Variants in EPHB1 observed in about 807,000 individuals in gnomAD.
The protein encoded by EPHB1 is EPH receptor B1.
EPHB1 carries 30 observed loss-of-function variants against 94.4 expected under a neutral mutation model. The ratio of observed to expected loss-of-function variants is 0.32; its 90% CI spans 0.24 to 0.43. The LOEUF is 0.43. EPHB1 is among the 20% of genes least tolerant of loss of function. The pLI is 1.00. For synonymous variants in EPHB1, 522 were observed against 489.1 expected (o/e 1.07, Z -0.89); for missense variants, 1,055 against 1,308.3 (o/e 0.81, Z 2.99).
At chr3:134,859,539 C>T (rs550852725) in intron 1 of EPHB1, among the ~76,000 whole-genome samples, 54 of 152,238 alleles carry the variant, frequency 3.5e-4, no homozygotes, top group Middle Eastern at 3.4e-3. Context: ...CTGGTGTCCC[C>T]ACCCCCTGGC....
chr3:135,255,459 T>A (rs1166007889), intron 15 of EPHB1, among the ~76,000 whole-genome samples: 2 of 142,974 alleles, frequency 1.4e-5, no homozygotes, highest in Non-Finnish European at 3.1e-5. Context: ...TATTTCTGCC[T>A]ACATTTCGTT....
rs192047926 is a variant in EPHB1, at chr3:134,913,802, G to A, written c.59-12014G>A. On this transcript the variant is annotated intron_variant, in intron 1 of 15. Coordinates refer to ENST00000398015, the MANE Select transcript of EPHB1 (RefSeq NM_004441.5). ...CTCCTGTGCTCTGCATGTGTGCCAG[G>A]CATGGAGAGAAAGGCTCTTCAAAAA... Among the ~76,000 whole-genome samples, 144 of 152,346 alleles carry A rather than the reference G, an allele frequency of 9.5e-4. 1 individual carries two copies. The highest frequency in any genetic ancestry group is 1.6e-3 in the Non-Finnish European group (108 of 68,034).
chr3:134,931,652 G>A (rs2107704947), intron 2 of EPHB1, among the ~76,000 whole-genome samples: 1 of 152,336 alleles, frequency 6.6e-6, no homozygotes, highest in East Asian at 1.9e-4. Context: ...GAAGTCCGAA[G>A]CCAAGCCTCA....
intron 3 of EPHB1, among the ~76,000 whole-genome samples, chr3:135,043,694 C>T (rs1013087646): frequency 2.8e-4 from 42 of 152,354 alleles, no homozygotes; most frequent in African/African-American, 9.1e-4. Context: ...CTGATACAGA[C>T]GTTCCTAAGA....
chr3:134,987,547 C>G (rs183030254), intron 3 of EPHB1, among the ~76,000 whole-genome samples: 1 of 152,204 alleles, frequency 6.6e-6, no homozygotes, highest in East Asian at 1.9e-4. Context: ...ATCACGAGGT[C>G]AGGAGATCGA....
rs1046694789 is a variant in EPHB1, at chr3:135,252,678, G to A, written c.2846+3187G>A. Among the ~76,000 whole-genome samples the A allele has an allele frequency of 4.3e-4, 62 of 142,778 alleles. 3 individuals carry two copies. Among genetic ancestry groups the A allele is most frequent in the African/African-American group, 1.5e-3 (59 of 39,832 alleles). 93.7% of individuals were successfully genotyped at this position (142,778 alleles called of 152,430 possible). On this transcript the variant is annotated intron_variant, in intron 15 of 15. Transcript: ENST00000398015. ...GTGAATAATGCCACAATAAACATAC[G>A]TTTGCACGTGTCTTTATAGCAGCAT... is the stretch of plus-strand genomic sequence containing the variant.
chr3:134,961,071 C>T (rs1042406810), intron 3 of EPHB1, among the ~76,000 whole-genome samples: 9 of 152,150 alleles, frequency 5.9e-5, no homozygotes, highest in African/African-American at 9.7e-5. Context: ...TTAGGTCATG[C>T]GGGTTGGATG....
At chr3:135,079,242 T>C (rs990361228) in intron 3 of EPHB1, among the ~76,000 whole-genome samples, 3 of 152,226 alleles carry the variant, frequency 2.0e-5, no homozygotes, top group Non-Finnish European at 4.4e-5. Flanking sequence ...TCATGGGGCG[T>C]TGAGTCTACA....
chr3:134,939,099 C>T lies in EPHB1; in HGVS notation c.124-12272C>T, dbSNP rs77586330. ...AGTATTATCTGCATTTCTCTACCATCCAAGATTTTGTGGAGCTCTGCTCTT... is the reference window on the plus strand; with the variant it reads ...AGTATTATCTGCATTTCTCTACCATTCAAGATTTTGTGGAGCTCTGCTCTT... On this transcript the variant is annotated intron_variant, in intron 2 of 15. Coordinates refer to ENST00000398015, the MANE Select transcript of EPHB1 (RefSeq NM_004441.5). 5.7e-3 allele frequency among the ~76,000 whole-genome samples: 862 copies of T among 152,268 alleles called. 3 individuals are homozygous for T. Among genetic ancestry groups the T allele is most frequent in the African/African-American group, 0.02 (819 of 41,538 alleles).
In EPHB1 at chr3:134,975,780, AG is replaced by A. The variant is rs1182498038; in HGVS notation, c.805+23735del. Among the ~76,000 whole-genome samples the A allele has an allele frequency of 2.5e-4, 6 of 24,252 alleles. No individual in the cohort carries two copies. In the African/African-American group the frequency reaches 2.9e-3, roughly 12 times the overall value. 15.9% of individuals were successfully genotyped at this position (24,252 alleles called of 152,430 possible). A position where few individuals can be genotyped will look rare whatever the true frequency, so the allele number is the denominator to read the frequency against. The stretch of plus-strand genomic sequence containing the variant: ...GAATAATAGAAAGATTTAAGAGGGC[AG>A]GGGGGGAGTGAGAAAGACAACATCT... On this transcript the variant is annotated intron_variant, in intron 3 of 15. Transcript: ENST00000398015.
At chr3:134,820,492 G>A (rs1014059969) in intron 1 of EPHB1, among the ~76,000 whole-genome samples, 3 of 152,126 alleles carry the variant, frequency 2.0e-5, no homozygotes, top group Non-Finnish European at 1.5e-5. Flanking sequence ...GAGAAGAATC[G>A]GGGGGAAGAG....
intron 1 of EPHB1, among the ~76,000 whole-genome samples, chr3:134,804,465 C>G (rs1287151259): frequency 6.6e-6 from 1 of 152,190 alleles, no homozygotes; most frequent in East Asian, 1.9e-4. Context: ...ACAGCTAATC[C>G]ATATCAATGT....
chr3:135,113,527 G>A (rs1265764441), intron 4 of EPHB1, among the ~76,000 whole-genome samples: 2 of 152,132 alleles, frequency 1.3e-5, no homozygotes, highest in Non-Finnish European at 2.9e-5. Context: ...ACCCCGAGAG[G>A]CAGAGGCGGT....
intron 1 of EPHB1, 73 bp downstream of exon 1, chr3:134,795,762 C>A (rs1354106877): frequency 5.9e-6 from 9 of 1,515,930 alleles, no homozygotes; most frequent in African/African-American, 5.6e-5. Flanking sequence ...CCGCGGTTCG[C>A]GGGGTTCCTC....
intron 6 of EPHB1, 75 bp downstream of exon 6, chr3:135,154,351 C>T (rs1941288929): frequency 3.1e-6 from 5 of 1,591,298 alleles, no homozygotes; most frequent in Non-Finnish European, 4.3e-6. Context: ...TAGCTGAAGG[C>T]ACAAAGGAGA....
intron 1 of EPHB1, among the ~76,000 whole-genome samples, chr3:134,905,637 G>T (rs2038306929): frequency 6.6e-6 from 1 of 152,246 alleles, no homozygotes. Context: ...GGGCCAGTCA[G>T]TGTGGCCTGT....
chr3:134,832,176 A>G lies in EPHB1; in HGVS notation c.58+36487A>G, dbSNP rs78564558. ...ATTCTAAGAAAATTATTCATTGTTT[A>G]TCAGGAATTCAAATTTAACTGGGTG... On this transcript the variant is annotated intron_variant, in intron 1 of 15. Coordinates refer to ENST00000398015, the MANE Select transcript of EPHB1 (RefSeq NM_004441.5). Among the ~76,000 whole-genome samples the G allele has an allele frequency of 2.9e-3, 440 of 152,380 alleles. 2 individuals are homozygous for G. The highest frequency in any genetic ancestry group is 0.01 in the African/African-American group (426 of 41,590).
At chr3:135,194,358 T>G (rs1393637748) in intron 11 of EPHB1, among the ~76,000 whole-genome samples, 1 of 152,142 alleles carries the variant, frequency 6.6e-6, no homozygotes, top group African/African-American at 2.4e-5. Flanking sequence ...TAAGTACAGA[T>G]GTAGTAAGTG....
At chr3:134,921,343 T>G (rs1240863913) in intron 1 of EPHB1, among the ~76,000 whole-genome samples, 1 of 152,144 alleles carries the variant, frequency 6.6e-6, no homozygotes, top group East Asian at 1.9e-4. Flanking sequence ...ACCTCAAGCA[T>G]TTCCCTTTGC....
Sources: allele counts gnomAD v4.1 joint callset (sites outside exome capture counted in the v4.1 genomes callset), GRCh38; gene constraint gnomAD v4.1.1; transcripts MANE v1.5; gene names NCBI Gene and HGNC (gene_info 2026-07-23, HGNC 2026-07-21).